RAD52: variants seen among roughly 807,000 people sequenced by gnomAD.
The protein encoded by RAD52 is RAD52 DNA repair protein, also known as DNA repair protein RAD52 homolog.
A neutral mutation model predicts 55.5 loss-of-function variants in RAD52; 47 were observed. The ratio of observed to expected loss-of-function variants is 0.85; its 90% CI spans 0.67 to 1.08. The LOEUF is 1.08. Ranked by LOEUF, RAD52 falls within the 50% of genes least tolerant of loss-of-function variation. The pLI, the probability that RAD52 is intolerant of heterozygous loss-of-function variation, is 0.00. For synonymous variants in RAD52, 184 were observed against 198.9 expected, an observed-to-expected ratio of 0.92 and a Z score of 0.63; for missense variants, 468 against 522.8, an observed-to-expected ratio of 0.90 and a Z score of 1.02.
At chr12:925,173 A>G (rs1053628182) in intron 7 of RAD52, among the ~76,000 whole-genome samples, 1 of 151,984 alleles carries the variant, frequency 6.6e-6, no homozygotes, top group African/African-American at 2.4e-5. Flanking sequence ...GATGGTCTCG[A>G]TCTCCTGACC....
At chr12:914,267 A>G (rs1164317963) in intron 10 of RAD52, 146 bp from the exon 11 acceptor site, 2 of 1,294,044 alleles carry the variant, frequency 1.5e-6, no homozygotes, top group Non-Finnish European at 2.1e-6. Flanking sequence ...CTAAAAGTAC[A>G]CTTCCCTTTG....
chr12:970,105 C>T (rs374508062), intron 1 of RAD52, among the ~76,000 whole-genome samples: 112 of 150,948 alleles, frequency 7.4e-4, no homozygotes, highest in African/African-American at 1.2e-3. Context: ...GTCAGGAGTT[C>T]GAGACCAGCC....
chr12:925,578 A>G, intron 6 of RAD52, 53 bp from the exon 7 acceptor site: 1 of 1,387,240 alleles, frequency 7.2e-7, no homozygotes, highest in Non-Finnish European at 1.0e-6. Flanking sequence ...TTACACATGA[A>G]TATCAGAGAA....
chr12:955,699 C>T (rs772346153), intron 1 of RAD52, among the ~76,000 whole-genome samples: 18 of 152,004 alleles, frequency 1.2e-4, no homozygotes, highest in Admixed American at 4.6e-4. Flanking sequence ...GTCTCGAGCT[C>T]CTGACCTTGT....
chr12:968,528 A>T (rs1246673408), intron 1 of RAD52, among the ~76,000 whole-genome samples: 3 of 152,136 alleles, frequency 2.0e-5, no homozygotes, highest in Non-Finnish European at 4.4e-5. Flanking sequence ...CTAAAAAAAT[A>T]AAAACCCTTT....
intron 1 of RAD52, among the ~76,000 whole-genome samples, chr12:963,318 T>C (rs1343980401): frequency 2.6e-5 from 4 of 152,166 alleles, no homozygotes; most frequent in Non-Finnish European, 5.9e-5. Context: ...TAAATAAATA[T>C]TTATTAATCC....
chr12:963,981 G>C (rs1263347281), intron 1 of RAD52, among the ~76,000 whole-genome samples: 1 of 152,126 alleles, frequency 6.6e-6, no homozygotes, highest in East Asian at 1.9e-4. Flanking sequence ...CAGTGCAAGG[G>C]GGGAAGAGTG....
chr12:913,346 A>G lies in RAD52; in HGVS notation c.*45T>C. 1 of 1,451,568 alleles carries G rather than the reference A, an allele frequency of 6.9e-7. No individual in the cohort carries two copies. Among genetic ancestry groups the G allele is most frequent in the Non-Finnish European group, 9.5e-7 (1 of 1,053,566 alleles). The allele number at this position is 1,451,568 out of a possible 1,614,324, so 89.9% of individuals were successfully genotyped here. On this transcript the variant is annotated 3_prime_UTR_variant, in exon 12 of 12. Transcript: ENST00000358495. ...TTTCATGACCAAAAAGTAGTTTTCC[A>G]AAGTCCCTTTGTGACAGAGTCCAAT...
intron 1 of RAD52, among the ~76,000 whole-genome samples, chr12:940,091 GAGA>G (rs1393545298): frequency 6.6e-6 from 1 of 151,520 alleles, no homozygotes; most frequent in Non-Finnish European, 1.5e-5. Context: ...AAAAAGAAGA[GAGA>G]AGAGGACAAT....
chr12:918,542 G>A (rs540918049), intron 7 of RAD52, among the ~76,000 whole-genome samples: 3 of 152,038 alleles, frequency 2.0e-5, no homozygotes, highest in East Asian at 1.9e-4. Flanking sequence ...GACTACAGGC[G>A]CCACCACCAG....
At position 913,459 on chromosome 12, in the gene RAD52, A is replaced by C; in HGVS notation, c.1196-7T>G. 1 of 1,588,582 alleles carries C rather than the reference A, an allele frequency of 6.3e-7. No homozygotes were observed. Among genetic ancestry groups the C allele is most frequent in the Non-Finnish European group, 8.6e-7 (1 of 1,159,074 alleles). On this transcript the variant is annotated splice_region_variant and splice_polypyrimidine_tract_variant and intron_variant, in intron 11 of 11. Coordinates refer to ENST00000358495, the MANE Select transcript of RAD52 (RefSeq NM_134424.4). ...CTATGAGATTCCCAGTTTCCTATGG[A>C]AGACAAAATGGCTTAAATGTAGCTG... is the stretch of plus-strand genomic sequence containing the variant.
intron 1 of RAD52, among the ~76,000 whole-genome samples, chr12:945,274 C>A (rs1958150271): frequency 6.6e-6 from 1 of 151,616 alleles, no homozygotes; most frequent in African/African-American, 2.4e-5. Context: ...TCGCTTGAAT[C>A]CAGGAGGCGA....
At chr12:926,882 A>G in intron 6 of RAD52, 2 of 1,536,138 alleles carry the variant, frequency 1.3e-6, no homozygotes, top group South Asian at 1.2e-5. Context: ...CCTCCGGCAC[A>G]CATGACTGAG....
chr12:934,282 C>T (rs955287768), intron 1 of RAD52, among the ~76,000 whole-genome samples: 2 of 151,668 alleles, frequency 1.3e-5, no homozygotes, highest in Admixed American at 6.6e-5. Context: ...GCCTGGCCAA[C>T]ATGGTGAAAT....
chr12:931,245 C>T lies in RAD52; in HGVS notation c.161G>A (p.Ser54Asn). ...CTTCTGGCCTCCGCCAGCCATGCGG[C>T]TACTTATGTATTCTGGGCCCAGCCT... ...RQRLGPEYIS[S>N]RMAGGGQKVC... The change falls in exon 3 of 12, where the codon AGC becomes AAC. Residue 54 changes from serine (S) to asparagine (N), a missense_variant. Coordinates refer to ENST00000358495, the MANE Select transcript of RAD52 (RefSeq NM_134424.4). The T allele has an allele frequency of 6.2e-7, 1 of 1,612,734 alleles. No individual in the cohort carries two copies. Among genetic ancestry groups the T allele is most frequent in the Non-Finnish European group, 8.5e-7 (1 of 1,179,646 alleles).
intron 1 of RAD52, among the ~76,000 whole-genome samples, chr12:969,203 G>A (rs1958808281): frequency 6.6e-6 from 1 of 151,986 alleles, no homozygotes; most frequent in African/African-American, 2.4e-5. Context: ...TGTATCTGCA[G>A]ATTTTGGTTT....
rs73029391 is a variant in RAD52 at position 973,484 on chromosome 12, T to A, written c.-19+16325A>T. On this transcript the variant is annotated intron_variant, in intron 1 of 11. Coordinates refer to the RAD52 transcript ENST00000430095. ...TAATCTAAAGGTAGATCTGACAGGA[T>A]TTTTTTTTTTTTAAACACAGTCTGG... Among the ~76,000 whole-genome samples the A allele has an allele frequency of 4.7e-3, 675 of 144,096 alleles. 3 individuals carry two copies. The highest frequency in any genetic ancestry group is 9.5e-3 in the South Asian group (44 of 4,618). The allele number at this position is 144,096 out of a possible 152,430, so 94.5% of individuals were successfully genotyped here. A position where few individuals can be genotyped will look rare whatever the true frequency, so the allele number is the denominator to read the frequency against.
At position 913,809 on chromosome 12, in the gene RAD52, A is replaced by G. The variant is rs867267081; in HGVS notation, c.1195+85T>C. On this transcript the variant is annotated intron_variant, in intron 11 of 11. Transcript: ENST00000358495. ...AGTTCCCGATTCTATCAAACTTTAAATGAAATGTCATCCTTCCTCAAAAAT... is the reference window on the plus strand; with the variant it reads ...AGTTCCCGATTCTATCAAACTTTAAGTGAAATGTCATCCTTCCTCAAAAAT... 7.7e-5 allele frequency: 98 copies of G among 1,265,124 alleles called. No individual in the cohort carries two copies. The Middle Eastern group carries it at 2.9e-3, about 38-fold the overall frequency. 78.4% of individuals were successfully genotyped at this position (1,265,124 alleles called of 1,614,324 possible).
chr12:951,528 TCTCA>T (rs997554986), upstream of RAD52, among the ~76,000 whole-genome samples: 1 of 152,260 alleles, frequency 6.6e-6, no homozygotes, highest in Non-Finnish European at 1.5e-5. Context: ...AAATATTTTC[TCTCA>T]CTCTGTTGTT....
Sources: gnomAD v4.1 joint callset for allele counts (sites outside exome capture counted in the v4.1 genomes callset) on GRCh38, gnomAD v4.1.1 for gene constraint, MANE v1.5 for transcripts, NCBI Gene and HGNC (gene_info 2026-07-23, HGNC 2026-07-21) for gene names.